Variants in PCDHA8 observed in about 807,000 individuals in gnomAD.
The protein encoded by PCDHA8 is protocadherin alpha-8.
Under a neutral mutation model 61.8 loss-of-function variants are expected in PCDHA8, and 53 were observed. That is an observed-to-expected ratio of 0.86 (90% CI 0.69 to 1.08). The LOEUF (loss-of-function observed/expected upper bound fraction) is 1.08, where lower values mean the gene tolerates loss of function less well. PCDHA8 is among the 50% of genes least tolerant of loss of function. PCDHA8 has a pLI of 0.00. For synonymous variants in PCDHA8, 618 were observed against 556.6 expected (o/e 1.11, Z -1.55); for missense variants, 1,293 against 1,245.0 (o/e 1.04, Z -0.58).
chr5:140,912,746 A>T (rs1322674627), intron 1 of PCDHA8, among the ~76,000 whole-genome samples: 1 of 152,200 alleles, frequency 6.6e-6, no homozygotes, highest in Non-Finnish European at 1.5e-5. Flanking sequence ...TGGGTCTGTC[A>T]TAGATGGCTT....
chr5:140,861,316 C>T (rs1554154495), intron 1 of PCDHA8: 4 of 215,598 alleles, frequency 1.9e-5, no homozygotes, highest in African/African-American at 9.3e-5. Context: ...AGGACCAGTT[C>T]CACTACACCA....
At chr5:140,871,086 G>GGCCACC (rs782688668) in intron 1 of PCDHA8, 1 of 1,613,256 alleles carries the variant, frequency 6.2e-7, no homozygotes, top group Non-Finnish European at 8.5e-7. Context: ...TGACGGCCAC[G>GGCCACC]GCCACCGTGC....
intron 1 of PCDHA8, chr5:140,929,006 C>G: frequency 6.2e-7 from 1 of 1,614,050 alleles, no homozygotes; most frequent in Non-Finnish European, 8.5e-7. Context: ...TTCGTGTGTA[C>G]CAAGTTGCAC....
At chr5:140,853,588 A>G in intron 1 of PCDHA8, 1 of 986,058 alleles carries the variant, frequency 1.0e-6, no homozygotes, top group Non-Finnish European at 1.2e-6. Context: ...TATCTTAGAC[A>G]CTTTGAGAGC....
rs146340581 is a variant in PCDHA8, at chr5:140,957,263, C to T, written c.2395-21686C>T. On this transcript the variant is annotated intron_variant, in intron 1 of 3. Transcript: ENST00000531613. ...TCTACCTAAAATTTAAATATGTAAG[C>T]ACTAGTCCCCCCTTACCTGCAGTTT... Among the ~76,000 whole-genome samples, 73 of 152,260 alleles carry T rather than the reference C, an allele frequency of 4.8e-4. No homozygotes were observed. In the East Asian group the frequency reaches 0.01, roughly 22 times the overall value.
chr5:140,875,858 A>T, intron 1 of PCDHA8: 1 of 1,613,908 alleles, frequency 6.2e-7, no homozygotes, highest in Non-Finnish European at 8.5e-7. Flanking sequence ...ATTAACGACA[A>T]CCCGCCGGTG....
intron 1 of PCDHA8, chr5:140,876,487 G>A (rs782413739): frequency 4.3e-6 from 7 of 1,613,904 alleles, no homozygotes; most frequent in Non-Finnish European, 5.9e-6. Flanking sequence ...GGTCCTGGTG[G>A]AAGTTCTGGA....
intron 1 of PCDHA8, among the ~76,000 whole-genome samples, chr5:140,909,091 C>T: frequency 6.6e-6 from 1 of 152,220 alleles, no homozygotes; most frequent in Non-Finnish European, 1.5e-5. Flanking sequence ...TGCTACTTCT[C>T]ACTCACTGGG....
rs138821024 is a variant in PCDHA8, at chr5:140,968,111, C to T, written c.2395-10838C>T. ...AGCCACAGATGGGGGAATACCGCAG[C>T]TCACATCCCTGCGTACACTGAAGGT... On this transcript the variant is annotated intron_variant, in intron 1 of 3. Transcript: ENST00000531613. 533 of 1,614,062 alleles carry T rather than the reference C, an allele frequency of 3.3e-4. 1 individual carries two copies. The highest frequency in any genetic ancestry group is 4.1e-4 in the Non-Finnish European group (489 of 1,180,052).
chr5:140,966,603 G>T, intron 1 of PCDHA8: 1 of 656,454 alleles, frequency 1.5e-6, no homozygotes, highest in East Asian at 3.4e-5. Context: ...AGGAGCCCTT[G>T]GGAGGGCCTA....
intron 1 of PCDHA8, among the ~76,000 whole-genome samples, chr5:140,941,810 A>T (rs188836583): frequency 6.6e-5 from 10 of 152,356 alleles, no homozygotes; most frequent in Admixed American, 4.6e-4. Flanking sequence ...TGATTTCAGT[A>T]GGATGACTGC....
chr5:140,973,974 T>C (rs2096609755), intron 1 of PCDHA8, among the ~76,000 whole-genome samples: 1 of 152,224 alleles, frequency 6.6e-6, no homozygotes. Context: ...TAAATGTGGC[T>C]TTTACAGAAC....
chr5:140,882,637 G>A (rs540228460), intron 1 of PCDHA8: 1 of 1,614,234 alleles, frequency 6.2e-7, no homozygotes, highest in African/African-American at 1.3e-5. Flanking sequence ...AGGTGAAGGT[G>A]AGGGACATTA....
At chr5:141,007,573 T>G (rs2153992759) in intron 3 of PCDHA8, among the ~76,000 whole-genome samples, 1 of 151,796 alleles carries the variant, frequency 6.6e-6, no homozygotes, top group African/African-American at 2.4e-5. Context: ...ATCTCAAATT[T>G]AAAAAATAAT....
intron 1 of PCDHA8, chr5:140,848,281 T>C: frequency 1.7e-6 from 1 of 600,408 alleles, no homozygotes; most frequent in Non-Finnish European, 2.9e-6. Context: ...AATATGTACT[T>C]ACACTTTGGG....
At chr5:140,938,209 G>A (rs1210350140) in intron 1 of PCDHA8, among the ~76,000 whole-genome samples, 3 of 152,160 alleles carry the variant, frequency 2.0e-5, no homozygotes, top group Admixed American at 6.5e-5. Flanking sequence ...GCCTCCCAAA[G>A]TGCTGGGATT....
intron 1 of PCDHA8, among the ~76,000 whole-genome samples, chr5:140,887,968 T>C (rs1434403033): frequency 6.6e-6 from 1 of 152,242 alleles, no homozygotes; most frequent in Non-Finnish European, 1.5e-5. Context: ...TTTGTCTCTT[T>C]TAAAATTTAT....
At position 141,010,163 on chromosome 5, in the gene PCDHA8, C is replaced by T; in HGVS notation, c.*226C>T. Reference sequence around the variant, plus strand: ...CTTTCTCTCCACTCTGGCTTGTTTTCAGAACCTAAAAAGCAGACCCAAGTT... The same window carrying T: ...CTTTCTCTCCACTCTGGCTTGTTTTTAGAACCTAAAAAGCAGACCCAAGTT... On this transcript the variant is annotated 3_prime_UTR_variant, in exon 4 of 4. Transcript: ENST00000531613. 1 of 1,565,826 alleles carries T rather than the reference C, an allele frequency of 6.4e-7. No homozygotes were observed. The highest frequency in any genetic ancestry group is 8.7e-7 in the Non-Finnish European group (1 of 1,154,220).
intron 1 of PCDHA8, chr5:140,856,684 A>G (rs1554148977): frequency 1.3e-6 from 2 of 1,597,646 alleles, no homozygotes; most frequent in Admixed American, 1.7e-5. Context: ...TGTTGTTGAC[A>G]GCAACTGATG....
Sources: gnomAD v4.1 joint callset for allele counts (sites outside exome capture counted in the v4.1 genomes callset) on GRCh38, gnomAD v4.1.1 for gene constraint, MANE v1.5 for transcripts, NCBI Gene and HGNC (gene_info 2026-07-23, HGNC 2026-07-21) for gene names.